Variants in FLT3 observed in about 807,000 individuals in gnomAD.
FLT3 encodes the protein receptor-type tyrosine-protein kinase FLT3.
FLT3 carries 46 observed loss-of-function variants against 126.6 expected under a neutral mutation model. The ratio of observed to expected loss-of-function variants is 0.36; its 90% CI spans 0.29 to 0.46. FLT3 has a LOEUF of 0.46. Ranked by LOEUF, FLT3 falls within the 20% of genes least tolerant of loss-of-function variation. The probability of loss-of-function intolerance (pLI) is 1.00; values close to 1 mark genes in which losing one functional copy is unlikely to be tolerated. For missense variants in FLT3, 1,069 were observed against 1,190.3 expected (o/e 0.90, Z 1.50); for synonymous variants, 404 against 434.4 (o/e 0.93, Z 0.87).
intron 3 of FLT3, among the ~76,000 whole-genome samples, chr13:28,058,707 T>C (rs1876259014): frequency 1.3e-5 from 2 of 152,278 alleles, no homozygotes; most frequent in South Asian, 4.2e-4. Flanking sequence ...GCAATCCAAA[T>C]ACAGGTTATA....
intron 4 of FLT3, among the ~76,000 whole-genome samples, chr13:28,053,867 G>A (rs531983930): frequency 5.3e-5 from 8 of 151,120 alleles, no homozygotes; most frequent in African/African-American, 1.9e-4. Flanking sequence ...CCGTGTGTGT[G>A]TGTGAGACAG....
chr13:28,060,095 C>CT (rs1876398105), intron 3 of FLT3, among the ~76,000 whole-genome samples: 1 of 150,584 alleles, frequency 6.6e-6, no homozygotes, highest in Admixed American at 6.6e-5. Context: ...AAACAAGACA[C>CT]TTAAAAAATC....
intron 3 of FLT3, among the ~76,000 whole-genome samples, chr13:28,060,831 C>G (rs746266373): frequency 2.3e-3 from 351 of 151,728 alleles, no homozygotes; most frequent in Non-Finnish European, 3.3e-3. Flanking sequence ...TCTCGAACTC[C>G]TGACCTCAGG....
intron 11 of FLT3, 42 bp from the exon 12 acceptor site, chr13:28,035,715 C>A (rs774162586): frequency 1.3e-6 from 2 of 1,566,276 alleles, no homozygotes; most frequent in South Asian, 2.4e-5. Flanking sequence ...GGTGAGCTGT[C>A]ATCAGATTGG....
chr13:28,058,008 C>T (rs1876163219), intron 3 of FLT3, among the ~76,000 whole-genome samples: 1 of 151,634 alleles, frequency 6.6e-6, no homozygotes, highest in African/African-American at 2.4e-5. Context: ...CACTGCACTC[C>T]AGCCTGGGTG....
At chr13:28,043,697 G>A (rs892397381) in intron 9 of FLT3, among the ~76,000 whole-genome samples, 15 of 152,182 alleles carry the variant, frequency 9.9e-5, no homozygotes, top group African/African-American at 3.6e-4. Flanking sequence ...AAAGTCAAAA[G>A]GAAAGACGGG....
At chr13:28,079,231 TA>T (rs1324970887) in intron 1 of FLT3, among the ~76,000 whole-genome samples, 1 of 152,206 alleles carries the variant, frequency 6.6e-6, no homozygotes, top group Non-Finnish European at 1.5e-5. Context: ...GTCTTTTTGC[TA>T]AAACATAACA....
chr13:28,037,183 ACT>A lies in FLT3; in HGVS notation c.1309_1309+1del. ...AATCAAATTCTCGGCAATTTAACTT[ACT>A]TCTTATATTCAGCGTGAACATTTTG... On this transcript the variant is annotated splice_donor_variant and coding_sequence_variant, in exon 10 of 24. Coordinates refer to ENST00000241453, the MANE Select transcript of FLT3 (RefSeq NM_004119.3). LOFTEE classifies it high-confidence loss of function. 2 of 1,504,280 alleles carry A rather than the reference ACT, an allele frequency of 1.3e-6. No individual in the cohort carries two copies. Among genetic ancestry groups the A allele is most frequent in the Non-Finnish European group, 1.8e-6 (2 of 1,082,406 alleles). 93.2% of individuals were successfully genotyped at this position (1,504,280 alleles called of 1,614,324 possible). A position where few individuals can be genotyped will look rare whatever the true frequency, so the allele number is the denominator to read the frequency against.
chr13:28,054,459 C>T (rs1160913134), intron 4 of FLT3, among the ~76,000 whole-genome samples: 4 of 151,684 alleles, frequency 2.6e-5, no homozygotes, highest in South Asian at 2.1e-4. Flanking sequence ...AGGTGGCTCA[C>T]GCCTGTAATC....
intron 16 of FLT3, among the ~76,000 whole-genome samples, chr13:28,027,724 A>G (rs907031956): frequency 6.6e-6 from 1 of 152,234 alleles, no homozygotes; most frequent in Non-Finnish European, 1.5e-5. Context: ...ATTTCTAGGC[A>G]GAAGAGAGAA....
intron 10 of FLT3, 50 bp from the exon 11 acceptor site, chr13:28,036,093 C>T (rs752674589): frequency 9.6e-6 from 14 of 1,460,654 alleles, no homozygotes; most frequent in Non-Finnish European, 1.3e-5. Context: ...CATAGTGGTT[C>T]ACTCCTATAA....
intron 1 of FLT3, among the ~76,000 whole-genome samples, chr13:28,093,974 T>A (rs1879291016): frequency 6.6e-6 from 1 of 152,186 alleles, no homozygotes; most frequent in Non-Finnish European, 1.5e-5. Flanking sequence ...AGGCAAATCT[T>A]GTGACTCCAA....
At chr13:28,026,528 G>A (rs528962188) in intron 17 of FLT3, among the ~76,000 whole-genome samples, 2 of 152,156 alleles carry the variant, frequency 1.3e-5, no homozygotes, top group South Asian at 2.1e-4. Flanking sequence ...ATTTATGCCC[G>A]CTAAAGCAAT....
chr13:28,007,769 G>A (rs1871038885), intron 23 of FLT3, among the ~76,000 whole-genome samples: 1 of 152,164 alleles, frequency 6.6e-6, no homozygotes. Context: ...TACTTCAGGA[G>A]ATTGAGGTGA....
chr13:28,039,117 C>A (rs1441664444), intron 9 of FLT3, among the ~76,000 whole-genome samples: 1 of 151,996 alleles, frequency 6.6e-6, no homozygotes, highest in Non-Finnish European at 1.5e-5. Flanking sequence ...ACTGAAGGCG[C>A]CAGACGGGAA....
At chr13:28,030,087 G>C (rs1374271801) in intron 15 of FLT3, among the ~76,000 whole-genome samples, 1 of 152,128 alleles carries the variant, frequency 6.6e-6, no homozygotes, top group African/African-American at 2.4e-5. Context: ...GTGAAGATTT[G>C]GTTCGATTGC....
intron 4 of FLT3, among the ~76,000 whole-genome samples, chr13:28,056,424 A>G (rs1876005629): frequency 6.6e-6 from 1 of 152,212 alleles, no homozygotes; most frequent in Admixed American, 6.5e-5. Flanking sequence ...CCTAATTTCA[A>G]GTGATATTAA....
Position 28,052,674 on chromosome 13 carries a change from T to TAGATA in FLT3, c.485-1_485insTATCT (p.Asn162IlefsTer9). 2 of 1,589,678 alleles carry TAGATA rather than the reference T, an allele frequency of 1.3e-6. No individual in the cohort carries two copies. Among genetic ancestry groups the TAGATA allele is most frequent in the South Asian group, 2.2e-5 (2 of 89,716 alleles). On this transcript the variant is annotated frameshift_variant and splice_region_variant. Transcript: ENST00000241453. LOFTEE classifies it high-confidence loss of function. The stretch of plus-strand genomic sequence containing the variant: ...TCTTCTTAATGTGTAAAGCAGGGTA[T>TAGATA]CTAAAGCATCATAAGTTATTAACAT...
intron 15 of FLT3, 39 bp from the exon 16 acceptor site, chr13:28,028,327 TA>T: frequency 1.9e-6 from 2 of 1,048,870 alleles, no homozygotes; most frequent in Non-Finnish European, 1.5e-6. Flanking sequence ...AAAACTCAAG[TA>T]AAATACGAAT....
Sources: allele counts gnomAD v4.1 joint callset (sites outside exome capture counted in the v4.1 genomes callset), GRCh38; gene constraint gnomAD v4.1.1; transcripts MANE v1.5; gene names NCBI Gene and HGNC (gene_info 2026-07-23, HGNC 2026-07-21).